Variants in HROB observed in about 807,000 individuals in gnomAD.
The protein encoded by HROB is homologous recombination factor with OB-fold.
A neutral mutation model predicts 61.0 loss-of-function variants in HROB; 44 were observed. The observed-to-expected ratio is 0.72, with a 90% CI of 0.57 to 0.93. The LOEUF (loss-of-function observed/expected upper bound fraction) is 0.93. HROB is among the 40% of genes least tolerant of loss of function. The pLI, the probability that HROB is intolerant of heterozygous loss-of-function variation, is 0.00. For missense variants in HROB, 716 were observed against 796.2 expected, an observed-to-expected ratio of 0.90 and a Z score of 1.21; for synonymous variants, 301 against 310.4, an observed-to-expected ratio of 0.97 and a Z score of 0.32.
At chr17:44,155,452 C>T (rs1314404186) in intron 8 of HROB, 41 bp downstream of exon 8, 27 of 1,607,962 alleles carry the variant, frequency 1.7e-5, no homozygotes, top group Non-Finnish European at 2.2e-5. Context: ...GTAAGGCCCT[C>T]CTTCTGCCTG....
At chr17:44,160,356 A>G (rs2054101096) in intron 9 of HROB, among the ~76,000 whole-genome samples, 1 of 152,186 alleles carries the variant, frequency 6.6e-6, no homozygotes, top group Non-Finnish European at 1.5e-5. Context: ...TCACGAGGTC[A>G]GGAGATCGAG....
intron 3 of HROB, among the ~76,000 whole-genome samples, chr17:44,150,003 A>AG (rs1181513306): frequency 1.3e-5 from 2 of 152,178 alleles, no homozygotes; most frequent in African/African-American, 4.8e-5. Context: ...GTGGGAAAGC[A>AG]GGGAAGAGCA....
chr17:44,152,864 G>A, intron 5 of HROB, 87 bp downstream of exon 5: 1 of 1,514,210 alleles, frequency 6.6e-7, no homozygotes, highest in Non-Finnish European at 9.0e-7. Flanking sequence ...TTAGGAAGGG[G>A]CTGTTTGCTC....
At chr17:44,142,778 G>A (rs541299261) in intron 1 of HROB, among the ~76,000 whole-genome samples, 50 of 152,256 alleles carry the variant, frequency 3.3e-4, no homozygotes, top group South Asian at 1.9e-3. Flanking sequence ...ATTAGGTAGG[G>A]AAACTACTGG....
At chr17:44,154,357 C>G (rs1226840994) in intron 5 of HROB, 199 bp from the exon 6 acceptor site, 2 of 555,970 alleles carry the variant, frequency 3.6e-6, no homozygotes, top group Non-Finnish European at 6.4e-6. Context: ...AGAACGGAGG[C>G]AGGGGAGAGA....
At position 44,150,854 on chromosome 17, in the gene HROB, A is replaced by G. The variant is rs1459990819; in HGVS notation, c.1225-107A>G. ...TAGGAGAGATGTAATATGTGTTAAT[A>G]GTCCCTGATCATTTCCTGAACTCAT... On this transcript the variant is annotated intron_variant, in intron 3 of 9. Transcript: ENST00000585683. The G allele has an allele frequency of 4.5e-6, 4 of 895,752 alleles. No individual in the cohort carries two copies. In the African/African-American group the frequency reaches 6.6e-5, roughly 15 times the overall value. 55.5% of individuals were successfully genotyped at this position (895,752 alleles called of 1,614,324 possible). A position where few individuals can be genotyped will look rare whatever the true frequency, so the allele number is the denominator to read the frequency against.
At chr17:44,142,179 C>T (rs2053463962) in intron 1 of HROB, 34 bp downstream of exon 1, 11 of 1,501,776 alleles carry the variant, frequency 7.3e-6, no homozygotes, top group East Asian at 5.2e-5. Flanking sequence ...GCTGGCGGGC[C>T]GCAGGGCCCC....
intron 9 of HROB, among the ~76,000 whole-genome samples, chr17:44,159,097 T>C (rs1730283104): frequency 6.6e-6 from 1 of 152,198 alleles, no homozygotes; most frequent in African/African-American, 2.4e-5. Flanking sequence ...GCCTGGTCTT[T>C]AGCTTTTCAA....
At chr17:44,144,442 A>C (rs2053552795) in intron 1 of HROB, among the ~76,000 whole-genome samples, 1 of 151,728 alleles carries the variant, frequency 6.6e-6, no homozygotes, top group Non-Finnish European at 1.5e-5. Flanking sequence ...CGCCCGACCA[A>C]ATTTTGTATT....
chr17:44,142,007 ATCC>A lies in HROB; in HGVS notation c.-135_-133del. On this transcript the variant is annotated 5_prime_UTR_variant, in exon 1 of 10. Transcript: ENST00000585683. ...GACTTTCCCTATATCGCAGAGACTC[ATCC>A]CTCTGACCCCAGCCCGGAAGCACTG... 1 of 1,252,920 alleles carries A rather than the reference ATCC, an allele frequency of 8.0e-7. No individual in the cohort carries two copies. Among genetic ancestry groups the A allele is most frequent in the Non-Finnish European group, 1.1e-6 (1 of 917,268 alleles). The allele number at this position is 1,252,920 out of a possible 1,614,324, so 77.6% of individuals were successfully genotyped here. A position where few individuals can be genotyped will look rare whatever the true frequency, so the allele number is the denominator to read the frequency against.
chr17:44,154,705 A>T lies in HROB; in HGVS notation c.1558+41A>T, dbSNP rs748079795. 5.6e-6 allele frequency: 9 copies of T among 1,607,302 alleles called. No individual in the cohort carries two copies. The South Asian group carries it at 7.7e-5, about 14-fold the overall frequency. On this transcript the variant is annotated intron_variant, in intron 6 of 9. Coordinates refer to ENST00000585683, the MANE Select transcript of HROB (RefSeq NM_001171251.3). ...CTAGGTTGTCTGGTGAGTGGGCTCC[A>T]TTGAGGCCAGGAAATGAGGTGGAAT...
At chr17:44,154,072 G>A (rs1178577538) in intron 5 of HROB, among the ~76,000 whole-genome samples, 2 of 151,542 alleles carry the variant, frequency 1.3e-5, no homozygotes, top group Admixed American at 6.6e-5. Context: ...GGCCGGGTGC[G>A]GTGGCTCATG....
chr17:44,158,797 C>T (rs1352789337), intron 9 of HROB, among the ~76,000 whole-genome samples: 1 of 152,170 alleles, frequency 6.6e-6, no homozygotes, highest in African/African-American at 2.4e-5. Context: ...AGGCGCCCGC[C>T]ACCATGCCCA....
rs1428901455 is a variant in HROB, at chr17:44,152,747, T to G, written c.1419T>G (p.Cys473Trp). ...LDERDPSCFL[C>W]TYSIVMVLRK... is the part of the protein sequence containing the mutation. ...AGAGAGACCCTAGCTGCTTCCTCTGTACCTACAGCATTGTCATGGTGCTGC... is the reference window on the plus strand; with the variant it reads ...AGAGAGACCCTAGCTGCTTCCTCTGGACCTACAGCATTGTCATGGTGCTGC... Residue 473 changes from cysteine (C) to tryptophan (W), a missense_variant, in exon 5 of 10, where the codon TGT (cysteine) becomes TGG (tryptophan). Cys to Trp is a radical substitution (Grantham distance 215, BLOSUM62 -2). Coordinates refer to ENST00000585683, the MANE Select transcript of HROB (RefSeq NM_001171251.3). 1 of 1,614,046 alleles carries G rather than the reference T, an allele frequency of 6.2e-7. No homozygotes were observed. Among genetic ancestry groups the G allele is most frequent in the African/African-American group, 1.3e-5 (1 of 74,924 alleles).
intron 5 of HROB, among the ~76,000 whole-genome samples, chr17:44,154,140 A>C (rs1202213159): frequency 6.6e-6 from 1 of 151,572 alleles, no homozygotes; most frequent in East Asian, 1.9e-4. Context: ...TCAGGAGTTC[A>C]AGACAAGCCT....
At chr17:44,155,048 A>G in intron 7 of HROB, 110 bp downstream of exon 7, 1 of 1,391,620 alleles carries the variant, frequency 7.2e-7, no homozygotes, top group Non-Finnish European at 9.9e-7. Context: ...GAGTGGCTGA[A>G]CCATTGCTAG....
At chr17:44,142,251 G>T in intron 1 of HROB, 106 bp downstream of exon 1, 8 of 1,331,538 alleles carry the variant, frequency 6.0e-6, no homozygotes, top group Non-Finnish European at 6.8e-6. Context: ...CAGGACCGGG[G>T]TCTGGGTGGG....
chr17:44,149,253 C>T (rs2053723268), intron 3 of HROB, among the ~76,000 whole-genome samples: 1 of 116,220 alleles, frequency 8.6e-6, no homozygotes, highest in Non-Finnish European at 1.6e-5. Flanking sequence ...TTTTTCTTCT[C>T]CTTTTTTTTT....
intron 5 of HROB, 106 bp from the exon 6 acceptor site, chr17:44,154,450 C>A: frequency 2.0e-6 from 2 of 998,948 alleles, no homozygotes; most frequent in Non-Finnish European, 3.2e-6. Context: ...ATCACTATAA[C>A]TATACTCTGA....
Sources: allele counts gnomAD v4.1 joint callset (sites outside exome capture counted in the v4.1 genomes callset), GRCh38; gene constraint gnomAD v4.1.1; transcripts MANE v1.5; gene names NCBI Gene and HGNC (gene_info 2026-07-23, HGNC 2026-07-21).